Variants in ATP6V1E2 observed in about 807,000 individuals in gnomAD.
ATP6V1E2 encodes the protein ATPase H+ transporting V1 subunit E2, also known as V-type proton ATPase subunit E 2.
For missense variants in ATP6V1E2, 308 were observed against 273.3 expected (o/e 1.13, Z -0.90); for synonymous variants, 121 against 104.2 (o/e 1.16, Z -0.98).
At chr2:46,524,789 G>A (rs1272928478) in intron 4 of ATP6V1E2, among the ~76,000 whole-genome samples, 1 of 152,220 alleles carries the variant, frequency 6.6e-6, no homozygotes, top group Non-Finnish European at 1.5e-5. Context: ...TGAGGTCTGC[G>A]TGTGGAGAGC....
chr2:46,515,487 A>G (rs1687671138), intron 4 of ATP6V1E2, among the ~76,000 whole-genome samples: 1 of 152,198 alleles, frequency 6.6e-6, no homozygotes, highest in Non-Finnish European at 1.5e-5. Flanking sequence ...CTACAAAGAA[A>G]ATACCTTTGG....
intron 4 of ATP6V1E2, chr2:46,519,404 AG>A (rs1392289175): frequency 6.6e-6 from 1 of 152,234 alleles, no homozygotes; most frequent in Non-Finnish European, 1.5e-5. Context: ...AACCAGCACA[AG>A]CAAAATTCAC....
At chr2:46,528,600 C>A (rs192818268) in intron 4 of ATP6V1E2, among the ~76,000 whole-genome samples, 1 of 152,346 alleles carries the variant, frequency 6.6e-6, no homozygotes, top group African/African-American at 2.4e-5. Flanking sequence ...AACAGGAGGT[C>A]TCCCTCTGCC....
At chr2:46,527,009 C>T (rs1666955447) in intron 4 of ATP6V1E2, among the ~76,000 whole-genome samples, 1 of 152,142 alleles carries the variant, frequency 6.6e-6, no homozygotes, top group African/African-American at 2.4e-5. Flanking sequence ...CACATGGGTT[C>T]CAGTGTTTCC....
intron 4 of ATP6V1E2, among the ~76,000 whole-genome samples, chr2:46,523,317 A>G (rs555314204): frequency 2.4e-4 from 36 of 152,232 alleles, no homozygotes; most frequent in Admixed American, 2.1e-3. Context: ...GCCCATTCCT[A>G]TGTCCTAAAT....
Position 46,538,941 on chromosome 2 carries a change from C to T in ATP6V1E2, c.-309-2238G>A, listed in dbSNP as rs560202475. On this transcript the variant is annotated intron_variant, in intron 2 of 4. Coordinates refer to ENST00000522587, the MANE Select transcript of ATP6V1E2 (RefSeq NM_001318063.2). ...CTGAGACTGCACCACTGCATTCCAGCCTGGGTGACAGAGTGAGACTCTGTC... is the reference window on the plus strand; with the variant it reads ...CTGAGACTGCACCACTGCATTCCAGTCTGGGTGACAGAGTGAGACTCTGTC... Among the ~76,000 whole-genome samples the T allele has an allele frequency of 2.7e-3, 415 of 152,018 alleles. 2 individuals carry two copies. The Middle Eastern group carries it at 0.034, about 12-fold the overall frequency.
chr2:46,518,680 G>T (rs1366040582), intron 4 of ATP6V1E2, among the ~76,000 whole-genome samples: 1 of 151,448 alleles, frequency 6.6e-6, no homozygotes, highest in Non-Finnish European at 1.5e-5. Context: ...CATTACTTTA[G>T]GATGTACTTT....
At position 46,512,062 on chromosome 2, in the gene ATP6V1E2, C is replaced by T. The variant is rs903891895; in HGVS notation, c.650G>A (p.Gly217Asp). The T allele has an allele frequency of 6.2e-7, 1 of 1,609,526 alleles. No individual in the cohort carries two copies. Among genetic ancestry groups the T allele is most frequent in the Non-Finnish European group, 8.5e-7 (1 of 1,177,930 alleles). Residue 217 changes from glycine (G) to aspartate (D), a missense_variant, in exon 5 of 5, where the codon GGT (glycine) becomes GAT (aspartate). Transcript: ENST00000522587. Reference protein sequence around the residue: ...KMPEIRMALFGANTNRKFFI With the variant: ...KMPEIRMALFDANTNRKFFI ...AAAGAACTTTCTGTTGGTGTTAGCA[C>T]CAAACAAGGCCATTCGTATTTCTGG...
chr2:46,525,461 C>CAGAAA (rs1666862627), intron 4 of ATP6V1E2, among the ~76,000 whole-genome samples: 1 of 56,730 alleles, frequency 1.8e-5, no homozygotes, highest in Non-Finnish European at 3.3e-5. Flanking sequence ...GACTCCGTCT[C>CAGAAA]AAAAAAAAAA....
At chr2:46,539,166 CT>C (rs1371829403) in intron 2 of ATP6V1E2, among the ~76,000 whole-genome samples, 2 of 152,178 alleles carry the variant, frequency 1.3e-5, no homozygotes, top group Non-Finnish European at 2.9e-5. Flanking sequence ...AATAGATACT[CT>C]CTACAAAGTT....
intron 4 of ATP6V1E2, among the ~76,000 whole-genome samples, chr2:46,527,713 C>G (rs1464655646): frequency 6.6e-6 from 1 of 152,076 alleles, no homozygotes; most frequent in Non-Finnish European, 1.5e-5. Context: ...AATAGCCATC[C>G]TAATGGATAT....
At chr2:46,525,461 C>CAAAAAAAAAAAA (rs57428249) in intron 4 of ATP6V1E2, among the ~76,000 whole-genome samples, 24 of 56,698 alleles carry the variant, frequency 4.2e-4, no homozygotes, top group South Asian at 1.3e-3. Flanking sequence ...GACTCCGTCT[C>CAAAAAAAAAAAA]AAAAAAAAAA....
chr2:46,518,005 G>C lies in ATP6V1E2; in HGVS notation c.-101-5193C>G, dbSNP rs373792913. ...CATGTAATCCAGCAATCCCACTTCT[G>C]TTCAAAAGAACTGAAAATAGAATCT... On this transcript the variant is annotated intron_variant, in intron 4 of 4. Coordinates refer to ENST00000522587, the MANE Select transcript of ATP6V1E2 (RefSeq NM_001318063.2). 1.7e-4 allele frequency among the ~76,000 whole-genome samples: 26 copies of C among 152,232 alleles called. 1 individual carries two copies. The highest frequency in any genetic ancestry group is 6.3e-4 in the African/African-American group (26 of 41,540).
chr2:46,540,992 G>C (rs561735508), intron 2 of ATP6V1E2, among the ~76,000 whole-genome samples: 1 of 152,338 alleles, frequency 6.6e-6, no homozygotes, highest in East Asian at 1.9e-4. Context: ...GAGAAGGGAA[G>C]TGACATGCTC....
intron 4 of ATP6V1E2, among the ~76,000 whole-genome samples, chr2:46,521,925 C>T (rs545679691): frequency 1.5e-5 from 2 of 131,396 alleles, no homozygotes; most frequent in East Asian, 2.9e-4. Context: ...CTCCTGACCT[C>T]GTGATCCACC....
At chr2:46,519,023 G>A (rs1415359124) in intron 4 of ATP6V1E2, 1 of 152,236 alleles carries the variant, frequency 6.6e-6, no homozygotes, top group Non-Finnish European at 1.5e-5. Context: ...ACGCACGCTG[G>A]AACCTGGCAC....
chr2:46,529,858 C>A (rs1021200125), intron 4 of ATP6V1E2, among the ~76,000 whole-genome samples: 3 of 152,130 alleles, frequency 2.0e-5, no homozygotes, highest in African/African-American at 4.8e-5. Flanking sequence ...AGACTCTCAA[C>A]AATCTTAGGA....
At position 46,512,405 on chromosome 2, in the gene ATP6V1E2, T is replaced by C; in HGVS notation, c.307A>G (p.Ser103Gly). ...ACCTCTGGGTCCTCCACAATCCTGC[T>C]GAGTCTCAGCTTCGCCTCACTGAGC... The part of the protein sequence containing the change: ...DLLSEAKLRL[S>G]RIVEDPEVYQ... The change falls in exon 5 of 5, where the codon AGC (serine) becomes GGC (glycine). Residue 103 changes from serine to glycine, a missense_variant. By Grantham distance (56) the Ser-to-Gly change is moderately conservative. Coordinates refer to ENST00000522587, the MANE Select transcript of ATP6V1E2 (RefSeq NM_001318063.2). The C allele has an allele frequency of 6.2e-7, 1 of 1,614,182 alleles. No homozygotes were observed. The highest frequency in any genetic ancestry group is 8.5e-7 in the Non-Finnish European group (1 of 1,180,034).
intron 4 of ATP6V1E2, among the ~76,000 whole-genome samples, chr2:46,522,318 G>C (rs575016238): frequency 1.3e-4 from 20 of 150,612 alleles, no homozygotes; most frequent in African/African-American, 4.6e-4. Context: ...AGAACGTGCA[G>C]GTTTGTTACA....
Sources: allele counts gnomAD v4.1 joint callset (sites outside exome capture counted in the v4.1 genomes callset), GRCh38; gene constraint gnomAD v4.1.1; transcripts MANE v1.5; gene names NCBI Gene and HGNC (gene_info 2026-07-23, HGNC 2026-07-21).